The following ARL14EPL variants were observed in gnomAD, a reference collection of about 807,000 sequenced individuals.
The protein encoded by ARL14EPL is ARL14 effector protein-like.
A neutral mutation model predicts 15.9 loss-of-function variants in ARL14EPL; 17 were observed. The ratio of observed to expected loss-of-function variants is 1.07; its 90% CI spans 0.73 to 1.60. The LOEUF (loss-of-function observed/expected upper bound fraction) is 1.60, where lower values mean the gene tolerates loss of function less well. Ranked by LOEUF, ARL14EPL falls within the 40% of genes most tolerant of loss-of-function variation. ARL14EPL has a pLI of 0.00. For missense variants in ARL14EPL, 214 were observed against 185.9 expected, an observed-to-expected ratio of 1.15 and a Z score of -0.88; for synonymous variants, 78 against 63.8, an observed-to-expected ratio of 1.22 and a Z score of -1.06.
At position 116,059,439 on chromosome 5, in the gene ARL14EPL, CA is replaced by C. The variant is rs1262518332; in HGVS notation, c.*493del. 6.6e-6 allele frequency: 1 copy of C among 152,638 alleles called. No individual in the cohort carries two copies. The highest frequency in any genetic ancestry group is 1.5e-5 in the Non-Finnish European group (1 of 68,414). 9.5% of individuals were successfully genotyped at this position (152,638 alleles called of 1,614,324 possible). On this transcript the variant is annotated 3_prime_UTR_variant, in exon 4 of 4. Transcript: ENST00000686077. ...ACTTTGCACTGTATACCCATAGCCT[CA>C]TTTTTTTATTGTTCATGTTTTAATA...
rs534096355 is a variant in ARL14EPL, at chr5:116,054,707, T to C, written c.236+554T>C. Among the ~76,000 whole-genome samples the C allele has an allele frequency of 2.8e-4, 43 of 152,226 alleles. 1 individual carries two copies. Among genetic ancestry groups the C allele is most frequent in the Middle Eastern group, 6.8e-3 (2 of 294 alleles). On this transcript the variant is annotated intron_variant, in intron 3 of 3. Transcript: ENST00000686077. ...TTAGCTGGGCGTGGTGGCACGCGCCTGTAGTCCCAGCTACTTGGGAGGCTG... is the reference window on the plus strand; with the variant it reads ...TTAGCTGGGCGTGGTGGCACGCGCCCGTAGTCCCAGCTACTTGGGAGGCTG...
chr5:116,039,902 T>A (rs1278418729), intron 1 of ARL14EPL, among the ~76,000 whole-genome samples: 2 of 152,212 alleles, frequency 1.3e-5, no homozygotes, highest in Admixed American at 6.5e-5. Flanking sequence ...TACTAAACTG[T>A]CTGACAAATT....
At position 116,058,705 on chromosome 5, in the gene ARL14EPL, G is replaced by T. The variant is rs1749576605; in HGVS notation, c.237-20G>T. ...AGGATGATTGCACTGTCATCTTAAT[G>T]TCATGCTTTTCCTTTGTAGAATAAT... On this transcript the variant is annotated intron_variant, in intron 3 of 3. Coordinates refer to ENST00000686077, the MANE Select transcript of ARL14EPL (RefSeq NM_001195581.2). 1 of 1,530,600 alleles carries T rather than the reference G, an allele frequency of 6.5e-7. No homozygotes were observed. Among genetic ancestry groups the T allele is most frequent in the African/African-American group, 1.4e-5 (1 of 72,880 alleles). 94.8% of individuals were successfully genotyped at this position (1,530,600 alleles called of 1,614,324 possible). A position where few individuals can be genotyped will look rare whatever the true frequency, so the allele number is the denominator to read the frequency against.
chr5:116,039,351 CA>C (rs981105528), intron 1 of ARL14EPL, among the ~76,000 whole-genome samples: 9 of 152,094 alleles, frequency 5.9e-5, no homozygotes, highest in African/African-American at 2.2e-4. Flanking sequence ...GGGATCTCTA[CA>C]AAGGTATCAG....
chr5:116,051,417 T>TGAGAGTAGAAAAGAATCACCA, intron 1 of ARL14EPL, 40 bp from the exon 2 acceptor site: 1 of 1,201,548 alleles, frequency 8.3e-7, no homozygotes, highest in Non-Finnish European at 1.2e-6. Context: ...TGGAGATAGA[T>TGAGAGTAGAAAAGAATCACCA]GATATTAATA....
In ARL14EPL at chr5:116,054,115, G is replaced by C. The variant is rs2112680341; in HGVS notation, c.198G>C (p.Arg66=). 1.3e-6 allele frequency: 2 copies of C among 1,535,622 alleles called. No homozygotes were observed. Among genetic ancestry groups the C allele is most frequent in the Middle Eastern group, 3.3e-4 (2 of 5,988 alleles). Residue 66 remains arginine, a synonymous_variant, in exon 3 of 4, where the codon CGG becomes CGC. Coordinates refer to ENST00000686077, the MANE Select transcript of ARL14EPL (RefSeq NM_001195581.2). Reference sequence around the variant, plus strand: ...CAAGGCAGCAGAAAAAGAAAGCCCGGATGTCAAAGATGAATGAATATTTTT... The same window carrying C: ...CAAGGCAGCAGAAAAAGAAAGCCCGCATGTCAAAGATGAATGAATATTTTT... ...PETRQQKKKA[R]MSKMNEYFST...
chr5:116,035,265 A>G (rs983699465), intron 1 of ARL14EPL, among the ~76,000 whole-genome samples: 1 of 152,150 alleles, frequency 6.6e-6, no homozygotes, highest in African/African-American at 2.4e-5. Context: ...TATCCTCACA[A>G]TGGTTAAACA....
intron 1 of ARL14EPL, among the ~76,000 whole-genome samples, chr5:116,049,609 C>G (rs1749332565): frequency 6.6e-6 from 1 of 152,116 alleles, no homozygotes; most frequent in Non-Finnish European, 1.5e-5. Flanking sequence ...GAGCTAAGTA[C>G]CCAATGGGCA....
intron 1 of ARL14EPL, among the ~76,000 whole-genome samples, chr5:116,038,308 T>G (rs188795361): frequency 3.3e-5 from 5 of 152,076 alleles, no homozygotes; most frequent in Non-Finnish European, 7.4e-5. Flanking sequence ...AGTGTGTAAA[T>G]AACTATGAAC....
At chr5:116,047,948 G>A (rs1050910106) in intron 1 of ARL14EPL, among the ~76,000 whole-genome samples, 4 of 152,164 alleles carry the variant, frequency 2.6e-5, no homozygotes, top group African/African-American at 9.7e-5. Context: ...AGAAAGTTTT[G>A]CTTCTGAGGC....
intron 1 of ARL14EPL, among the ~76,000 whole-genome samples, chr5:116,038,550 G>A (rs1749090607): frequency 6.6e-6 from 1 of 152,114 alleles, no homozygotes; most frequent in Admixed American, 6.6e-5. Context: ...TCATGCTGAG[G>A]ACCACAAAGG....
chr5:116,044,668 T>G (rs1302905860), intron 1 of ARL14EPL, among the ~76,000 whole-genome samples: 1 of 152,160 alleles, frequency 6.6e-6, no homozygotes, highest in African/African-American at 2.4e-5. Flanking sequence ...GAATGGAAGA[T>G]GAGAGAGAAG....
intron 1 of ARL14EPL, among the ~76,000 whole-genome samples, chr5:116,033,162 A>T (rs989593185): frequency 2.6e-5 from 4 of 152,190 alleles, no homozygotes; most frequent in African/African-American, 9.7e-5. Context: ...TCTGCTAGGT[A>T]CATATTACCA....
At chr5:116,045,415 T>C (rs1485041546) in intron 1 of ARL14EPL, among the ~76,000 whole-genome samples, 1 of 152,122 alleles carries the variant, frequency 6.6e-6, no homozygotes, top group Non-Finnish European at 1.5e-5. Flanking sequence ...CCACTCTCCA[T>C]TGGTGGAGGG....
intron 1 of ARL14EPL, among the ~76,000 whole-genome samples, chr5:116,035,144 G>A (rs1209975499): frequency 6.6e-6 from 1 of 152,136 alleles, no homozygotes; most frequent in Non-Finnish European, 1.5e-5. Context: ...AAACTTAAGA[G>A]ACTCTTTTAC....
chr5:116,043,439 A>G (rs185733234), intron 1 of ARL14EPL, among the ~76,000 whole-genome samples: 71 of 152,262 alleles, frequency 4.7e-4, no homozygotes, highest in African/African-American at 1.7e-3. Flanking sequence ...AGCAAAAATC[A>G]TGTCAAAAGG....
chr5:116,042,779 C>A (rs991815828), intron 1 of ARL14EPL, among the ~76,000 whole-genome samples: 33 of 152,264 alleles, frequency 2.2e-4, no homozygotes, highest in African/African-American at 7.5e-4. Flanking sequence ...AAACCAGACC[C>A]TATATCATAT....
intron 2 of ARL14EPL, 138 bp from the exon 3 acceptor site, chr5:116,053,876 A>G: frequency 3.1e-6 from 2 of 651,852 alleles, no homozygotes; most frequent in Non-Finnish European, 4.7e-6. Flanking sequence ...TAATTAGATT[A>G]AATCGTTTAT....
Position 116,046,151 on chromosome 5 carries a change from C to A in ARL14EPL, c.-9-5306C>A, listed in dbSNP as rs144814838. On this transcript the variant is annotated intron_variant, in intron 1 of 3. Coordinates refer to ENST00000686077, the MANE Select transcript of ARL14EPL (RefSeq NM_001195581.2). ...TAGAGACAGAATGAGATTCAAATAG[C>A]TTGACTCTCTTGTCTTGTATATATG... is the stretch of plus-strand genomic sequence containing the variant. Among the ~76,000 whole-genome samples, 5 of 152,282 alleles carry A rather than the reference C, an allele frequency of 3.3e-5. No individual in the cohort carries two copies. In the East Asian group the frequency reaches 7.7e-4, roughly 24 times the overall value.
Sources: allele counts gnomAD v4.1 joint callset (sites outside exome capture counted in the v4.1 genomes callset), GRCh38; gene constraint gnomAD v4.1.1; transcripts MANE v1.5; gene names NCBI Gene and HGNC (gene_info 2026-07-23, HGNC 2026-07-21).